CACNA1B: variants seen among roughly 807,000 people sequenced by gnomAD.
CACNA1B encodes the protein voltage-dependent N-type calcium channel subunit alpha-1B.
CACNA1B carries 70 observed loss-of-function variants against 247.2 expected under a neutral mutation model. The ratio of observed to expected loss-of-function variants is 0.28; its 90% confidence interval spans 0.23 to 0.35. The LOEUF (loss-of-function observed/expected upper bound fraction) is 0.35. CACNA1B is among the 10% of genes least tolerant of loss of function. The probability of loss-of-function intolerance (pLI) is 1.00; values close to 1 mark genes in which losing one functional copy is unlikely to be tolerated. For missense variants in CACNA1B, 2,367 were observed against 3,197.4 expected, an observed-to-expected ratio of 0.74 and a Z score of 6.26; for synonymous variants, 1,231 against 1,294.4, an observed-to-expected ratio of 0.95 and a Z score of 1.05.
intron 31 of CACNA1B, among the ~76,000 whole-genome samples, chr9:138,067,641 G>A (rs1272327623): frequency 6.6e-6 from 1 of 152,242 alleles, no homozygotes; most frequent in African/African-American, 2.4e-5. Context: ...GGAGGTCACA[G>A]GGAGCCAAGA....
chr9:137,912,293 C>A (rs1564886191), intron 3 of CACNA1B, among the ~76,000 whole-genome samples: 1 of 152,252 alleles, frequency 6.6e-6, no homozygotes, highest in South Asian at 2.1e-4. Flanking sequence ...GAAGGCAAAG[C>A]TGGCAAAAGA....
chr9:137,908,797 ATT>A (rs1488220776), intron 3 of CACNA1B, among the ~76,000 whole-genome samples: 1 of 145,532 alleles, frequency 6.9e-6, no homozygotes, highest in East Asian at 2.2e-4. Context: ...TGCCTGGCTA[ATT>A]TTTTTGTATT....
intron 18 of CACNA1B, among the ~76,000 whole-genome samples, chr9:138,022,249 G>A (rs1426894148): frequency 6.6e-6 from 1 of 152,172 alleles, no homozygotes; most frequent in Non-Finnish European, 1.5e-5. Context: ...CAAGAGAGAG[G>A]AGGGCATTGG....
chr9:138,034,018 C>G lies in CACNA1B; in HGVS notation c.3286+8846C>G, dbSNP rs540755037. On this transcript the variant is annotated intron_variant, in intron 20 of 46. Coordinates refer to ENST00000371372, the MANE Select transcript of CACNA1B (RefSeq NM_000718.4). ...CTGACATTCTAGGGGAGAAGGATTACTCATTACTGCTAGGCTGGGCTGGGA... is the reference window on the plus strand; with the variant it reads ...CTGACATTCTAGGGGAGAAGGATTAGTCATTACTGCTAGGCTGGGCTGGGA... 3.9e-5 allele frequency among the ~76,000 whole-genome samples: 6 copies of G among 152,312 alleles called. No homozygotes were observed. In the East Asian group the frequency reaches 1.2e-3, roughly 29 times the overall value.
chr9:138,114,186 A>G (rs1961771846), intron 40 of CACNA1B, among the ~76,000 whole-genome samples, 192 bp from the exon 41 acceptor site: 1 of 152,082 alleles, frequency 6.6e-6, no homozygotes. Flanking sequence ...CATCTGGAGG[A>G]GCCCTAGGTA....
chr9:138,049,365 A>G, intron 24 of CACNA1B, 50 bp downstream of exon 24: 1 of 1,182,018 alleles, frequency 8.5e-7, no homozygotes. Context: ...CAGAATCACG[A>G]TGGGCGTGAG....
chr9:138,093,403 CAAAAAA>C lies in CACNA1B; in HGVS notation c.5095-3061_5095-3056del, dbSNP rs58608297. On this transcript the variant is annotated intron_variant, in intron 36 of 46. Transcript: ENST00000371372. ...TGGGCTACAGAGTGAGACTCTGTCT[CAAAAAA>C]AAAAAAAAAAAAAAAAAAAGAAGAA... 1.2e-4 allele frequency among the ~76,000 whole-genome samples: 5 copies of C among 43,258 alleles called. No homozygotes were observed. In the East Asian group the frequency reaches 2.7e-3, roughly 23 times the overall value. 28.4% of individuals were successfully genotyped at this position (43,258 alleles called of 152,430 possible). A position where few individuals can be genotyped will look rare whatever the true frequency, so the allele number is the denominator to read the frequency against.
chr9:137,993,191 G>A (rs575194844), intron 15 of CACNA1B, among the ~76,000 whole-genome samples: 53 of 151,426 alleles, frequency 3.5e-4, no homozygotes, highest in Non-Finnish European at 5.2e-4. Context: ...AAATCAGAGC[G>A]GAACTAAATG....
chr9:137,966,366 A>G (rs1302859890), intron 10 of CACNA1B, among the ~76,000 whole-genome samples: 19 of 150,404 alleles, frequency 1.3e-4, no homozygotes, highest in African/African-American at 4.7e-4. Context: ...CTGGGACTAC[A>G]GGCACCTACC....
At position 138,067,015 on chromosome 9, in the gene CACNA1B, C is replaced by T. The variant is rs141403924; in HGVS notation, c.4669-2743C>T. ...AAGAAAAATAAGAAGGTAAAATACACGATGTAAGGCAGGGGAGAGGGGTCA... is the reference window on the plus strand; with the variant it reads ...AAGAAAAATAAGAAGGTAAAATACATGATGTAAGGCAGGGGAGAGGGGTCA... On this transcript the variant is annotated intron_variant, in intron 31 of 46. Transcript: ENST00000371372. 3.8e-4 allele frequency among the ~76,000 whole-genome samples: 58 copies of T among 152,140 alleles called. No individual in the cohort carries two copies. The East Asian group carries it at 0.011, about 28-fold the overall frequency.
intron 35 of CACNA1B, among the ~76,000 whole-genome samples, chr9:138,076,823 G>C (rs768680650): frequency 1.3e-4 from 20 of 152,238 alleles, no homozygotes; most frequent in Non-Finnish European, 2.9e-4. Flanking sequence ...CCTGCCTGCA[G>C]ATGCGCGCTG....
chr9:137,944,717 A>G (rs1253032655), intron 6 of CACNA1B, among the ~76,000 whole-genome samples: 1 of 152,152 alleles, frequency 6.6e-6, no homozygotes, highest in Non-Finnish European at 1.5e-5. Flanking sequence ...TATATCAGTT[A>G]TAGAAAAGGG....
intron 3 of CACNA1B, among the ~76,000 whole-genome samples, chr9:137,906,433 G>A (rs1957299654): frequency 6.6e-6 from 1 of 152,172 alleles, no homozygotes; most frequent in African/African-American, 2.4e-5. Flanking sequence ...CACTGTCTGG[G>A]TCATCTGTGT....
At position 138,073,792 on chromosome 9, in the gene CACNA1B, T is replaced by C. The variant is rs958997912; in HGVS notation, c.4791+188T>C. ...AGTCATCTGTAGGTTCCCTTGGTCA[T>C]GCTCACAAGAACCCTGAGGTGGGTT... On this transcript the variant is annotated intron_variant, in intron 33 of 46. Coordinates refer to ENST00000371372, the MANE Select transcript of CACNA1B (RefSeq NM_000718.4). The surrounding 1 kb of genome is among the most constrained non-coding windows in gnomAD (Gnocchi z 6.4). Among the ~76,000 whole-genome samples the C allele has an allele frequency of 6.6e-6, 1 of 152,238 alleles. No homozygotes were observed. The highest frequency in any genetic ancestry group is 2.4e-5 in the African/African-American group (1 of 41,460).
At chr9:137,965,415 G>A (rs531513184) in intron 10 of CACNA1B, among the ~76,000 whole-genome samples, 9 of 152,246 alleles carry the variant, frequency 5.9e-5, no homozygotes, top group Admixed American at 1.3e-4. Flanking sequence ...GCGCGGTGGC[G>A]CATGCCTGTA....
intron 39 of CACNA1B, among the ~76,000 whole-genome samples, chr9:138,108,890 C>A (rs1373010355): frequency 6.6e-6 from 1 of 152,180 alleles, no homozygotes; most frequent in Non-Finnish European, 1.5e-5. Context: ...ACCTCGTGAT[C>A]CGCCCGTCTC....
At chr9:137,987,063 G>T (rs1958372729) in intron 15 of CACNA1B, among the ~76,000 whole-genome samples, 1 of 152,242 alleles carries the variant, frequency 6.6e-6, no homozygotes, top group Admixed American at 6.5e-5. Context: ...CCCCTACGGT[G>T]AAGGAAGCTG....
rs949984052 is a variant in CACNA1B at position 138,102,393 on chromosome 9, G to A, written c.5223-318G>A. The stretch of plus-strand genomic sequence containing the variant: ...AATCAGAAATTATCAACCCAAAGCC[G>A]CCCCGATGCAGCCCTTCCTCACCCC... On this transcript the variant is annotated intron_variant, in intron 37 of 46. Coordinates refer to ENST00000371372, the MANE Select transcript of CACNA1B (RefSeq NM_000718.4). The surrounding 1 kb of genome is among the most constrained non-coding windows in gnomAD (Gnocchi z 5.4). Among the ~76,000 whole-genome samples the A allele has an allele frequency of 3.3e-5, 5 of 151,962 alleles. No individual in the cohort carries two copies. The highest frequency in any genetic ancestry group is 9.7e-5 in the African/African-American group (4 of 41,382).
At chr9:138,096,019 A>G (rs1216704490) in intron 36 of CACNA1B, among the ~76,000 whole-genome samples, 2 of 152,164 alleles carry the variant, frequency 1.3e-5, no homozygotes, top group Non-Finnish European at 2.9e-5. Flanking sequence ...AAGTTTTGAA[A>G]CGAGAGAGAT....
Sources: gnomAD v4.1 joint callset for allele counts (sites outside exome capture counted in the v4.1 genomes callset) on GRCh38, gnomAD v4.1.1 for gene constraint, Gnocchi (gnomAD v3.1) non-coding constraint, MANE v1.5 for transcripts, NCBI Gene and HGNC (gene_info 2026-07-23, HGNC 2026-07-21) for gene names.